The following TMEM131 variants were observed in gnomAD, a reference collection of about 807,000 sequenced individuals.
The protein encoded by TMEM131 is 2610524E03Rik.
A neutral mutation model predicts 211.6 loss-of-function variants in TMEM131; 66 were observed. The observed-to-expected ratio is 0.31, with a 90% CI of 0.26 to 0.38. TMEM131 has a LOEUF of 0.38. Among genes scored for constraint, TMEM131 ranks in the 10% least tolerant of loss-of-function variants. The pLI is 1.00. For synonymous variants in TMEM131, 844 were observed against 841.3 expected (o/e 1.00, Z -0.06); for missense variants, 2,036 against 2,299.3 (o/e 0.89, Z 2.34).
chr2:97,936,934 G>A (rs1319458611), intron 1 of TMEM131, among the ~76,000 whole-genome samples: 1 of 151,962 alleles, frequency 6.6e-6, no homozygotes, highest in Non-Finnish European at 1.5e-5. Flanking sequence ...ACACCAAATG[G>A]AGAATATTAA....
At position 97,820,794 on chromosome 2, in the gene TMEM131, TGTA is replaced by T. The variant is rs778135275; in HGVS notation, c.1075-2076_1075-2074del. On this transcript the variant is annotated intron_variant, in intron 11 of 40. Transcript: ENST00000186436. Reference sequence around the variant, plus strand: ...CTACTTGAATCCGGGAGGCGGAGGTTGTAGTGAGCCAAGATTGGGACACTGCAC... The same window carrying T: ...CTACTTGAATCCGGGAGGCGGAGGTTGTGAGCCAAGATTGGGACACTGCAC... Among the ~76,000 whole-genome samples, 113 of 151,758 alleles carry T rather than the reference TGTA, an allele frequency of 7.4e-4. 2 individuals are homozygous for T. Among genetic ancestry groups the T allele is most frequent in the Middle Eastern group, 3.4e-3 (1 of 292 alleles).
At chr2:97,832,504 G>A (rs1682750599) in intron 11 of TMEM131, among the ~76,000 whole-genome samples, 1 of 152,114 alleles carries the variant, frequency 6.6e-6, no homozygotes, top group African/African-American at 2.4e-5. Context: ...CTTCCTCGCT[G>A]GGGTTTGTAT....
At chr2:97,990,374 T>C (rs1207989598) in intron 1 of TMEM131, among the ~76,000 whole-genome samples, 1 of 152,050 alleles carries the variant, frequency 6.6e-6, no homozygotes, top group Admixed American at 6.6e-5. Flanking sequence ...GCATGAACTG[T>C]CAAGTCTGTT....
intron 5 of TMEM131, among the ~76,000 whole-genome samples, chr2:97,855,918 A>T (rs1288588604): frequency 6.6e-6 from 1 of 152,190 alleles, no homozygotes; most frequent in Non-Finnish European, 1.5e-5. Context: ...AATTAAAATA[A>T]TCATTAATAT....
rs373511094 is a variant in TMEM131 at position 97,931,037 on chromosome 2, C to A, written c.188-3550G>T. The stretch of plus-strand genomic sequence containing the variant: ...AAGTATGAATTCTGGCAATGTGAAT[C>A]TGTGCTTCTAAACCCATCCCTATTT... On this transcript the variant is annotated intron_variant, in intron 1 of 40. Coordinates refer to ENST00000186436, the MANE Select transcript of TMEM131 (RefSeq NM_015348.2). 5.8e-4 allele frequency among the ~76,000 whole-genome samples: 88 copies of A among 152,018 alleles called. 2 individuals carry two copies. The highest frequency in any genetic ancestry group is 1.9e-3 in the African/African-American group (80 of 41,270).
At chr2:97,935,117 T>G (rs1208483281) in intron 1 of TMEM131, among the ~76,000 whole-genome samples, 1 of 152,062 alleles carries the variant, frequency 6.6e-6, no homozygotes, top group African/African-American at 2.4e-5. Flanking sequence ...AACTACATAT[T>G]TAACAAAAGT....
intron 11 of TMEM131, among the ~76,000 whole-genome samples, chr2:97,824,861 T>A (rs1043313077): frequency 1.3e-5 from 2 of 152,226 alleles, no homozygotes; most frequent in African/African-American, 4.8e-5. Context: ...ACCCCAATTC[T>A]AGGAGTACAA....
At chr2:97,778,852 G>A (rs1679853908) in intron 31 of TMEM131, among the ~76,000 whole-genome samples, 1 of 152,102 alleles carries the variant, frequency 6.6e-6, no homozygotes, top group African/African-American at 2.4e-5. Context: ...ATTCCCTAGA[G>A]ATCTGCCCTT....
At chr2:97,956,590 G>A (rs1678576873) in intron 1 of TMEM131, among the ~76,000 whole-genome samples, 1 of 152,018 alleles carries the variant, frequency 6.6e-6, no homozygotes, top group Admixed American at 6.5e-5. Flanking sequence ...CTTGGGCATA[G>A]TAGTAACTGG....
At chr2:97,990,967 CAT>C (rs1345967572) in intron 1 of TMEM131, among the ~76,000 whole-genome samples, 1 of 152,098 alleles carries the variant, frequency 6.6e-6, no homozygotes, top group Non-Finnish European at 1.5e-5. Context: ...ATTGATAGAA[CAT>C]GTGACTATGA....
chr2:97,833,915 C>T (rs967011751), intron 10 of TMEM131, among the ~76,000 whole-genome samples: 1 of 152,142 alleles, frequency 6.6e-6, no homozygotes, highest in African/African-American at 2.4e-5. Context: ...TGCCTGCCTC[C>T]ACCTCCCAAA....
chr2:97,792,017 A>G (rs1011646105), intron 31 of TMEM131, among the ~76,000 whole-genome samples: 12 of 152,232 alleles, frequency 7.9e-5, no homozygotes, highest in Admixed American at 6.5e-4. Flanking sequence ...TCTAAAGTAA[A>G]GAAATCCTAA....
intron 1 of TMEM131, among the ~76,000 whole-genome samples, chr2:97,970,243 C>T (rs1679238716): frequency 6.6e-6 from 1 of 152,190 alleles, no homozygotes; most frequent in African/African-American, 2.4e-5. Context: ...TTAGACTCCC[C>T]TTGGCCCCAA....
At chr2:97,837,361 C>CT (rs1299049901) in intron 7 of TMEM131, among the ~76,000 whole-genome samples, 1 of 152,114 alleles carries the variant, frequency 6.6e-6, no homozygotes. Flanking sequence ...AATAAGGTAA[C>CT]TTTGAAAATT....
At chr2:97,795,208 A>T (rs1680702510) in intron 28 of TMEM131, 93 bp from the exon 29 acceptor site, 6 of 885,302 alleles carry the variant, frequency 6.8e-6, no homozygotes, top group Non-Finnish European at 9.9e-6. Context: ...TTGAAATATA[A>T]CACAGAATTT....
At chr2:97,806,466 G>A (rs531963647) in intron 19 of TMEM131, among the ~76,000 whole-genome samples, 3 of 152,226 alleles carry the variant, frequency 2.0e-5, no homozygotes, top group South Asian at 4.1e-4. Context: ...ACTTGAACTC[G>A]GGAAGCGGAG....
intron 1 of TMEM131, among the ~76,000 whole-genome samples, chr2:97,957,768 A>G (rs144447573): frequency 3.5e-4 from 53 of 152,380 alleles, no homozygotes; most frequent in African/African-American, 5.8e-4. Context: ...ACAAATAATG[A>G]AAGTTTCAAA....
rs182431359 is a variant in TMEM131 at position 97,828,602 on chromosome 2, A to C, written c.1074+4763T>G. Reference sequence around the variant, plus strand: ...ATAATGAAATCTATCCTTACTCTACAATCCCAAATAGACTCTTTGGCAGCA... The same window carrying C: ...ATAATGAAATCTATCCTTACTCTACCATCCCAAATAGACTCTTTGGCAGCA... On this transcript the variant is annotated intron_variant, in intron 11 of 40. Coordinates refer to ENST00000186436, the MANE Select transcript of TMEM131 (RefSeq NM_015348.2). Among the ~76,000 whole-genome samples, 377 of 152,330 alleles carry C rather than the reference A, an allele frequency of 2.5e-3. 1 individual carries two copies. The highest frequency in any genetic ancestry group is 7.0e-3 in the Admixed American group (107 of 15,302).
In TMEM131 at chr2:97,812,215, G is replaced by T. The variant is rs142394903; in HGVS notation, c.1863+206C>A. 1.1e-3 allele frequency among the ~76,000 whole-genome samples: 166 copies of T among 152,320 alleles called. 1 individual carries two copies. The highest frequency in any genetic ancestry group is 4.0e-3 in the African/African-American group (165 of 41,570). Reference sequence around the variant, plus strand: ...TTATAGAACTTTTTATGACAAGGCAGAATTAAACCCCTTTGGGTTTCAGTG... The same window carrying T: ...TTATAGAACTTTTTATGACAAGGCATAATTAAACCCCTTTGGGTTTCAGTG... On this transcript the variant is annotated intron_variant, in intron 17 of 40. Transcript: ENST00000186436.
Sources: gnomAD v4.1 joint callset for allele counts (sites outside exome capture counted in the v4.1 genomes callset) on GRCh38, gnomAD v4.1.1 for gene constraint, MANE v1.5 for transcripts, NCBI Gene and HGNC (gene_info 2026-07-23, HGNC 2026-07-21) for gene names.